Variants in DNASE1L3 observed in about 807,000 individuals in gnomAD.
DNASE1L3 encodes deoxyribonuclease gamma.
Under a neutral mutation model 30.9 loss-of-function variants are expected in DNASE1L3, and 27 were observed. That is an observed-to-expected ratio of 0.87 (90% confidence interval 0.64 to 1.20). The LOEUF is 1.20. DNASE1L3 is among the 50% of genes most tolerant of loss of function. DNASE1L3 has a pLI of 0.00. For missense variants in DNASE1L3, 364 were observed against 378.2 expected (o/e 0.96, Z 0.31); for synonymous variants, 135 against 138.0 (o/e 0.98, Z 0.15).
At chr3:58,202,467 G>A (rs1244561496) in intron 4 of DNASE1L3, among the ~76,000 whole-genome samples, 2 of 150,678 alleles carry the variant, frequency 1.3e-5, no homozygotes, top group Non-Finnish European at 3.0e-5. Context: ...CCAGCTGGGA[G>A]TTACAAAAAG....
chr3:58,210,220 G>GAAA, intron 1 of DNASE1L3, among the ~76,000 whole-genome samples: 1 of 68,952 alleles, frequency 1.5e-5, no homozygotes, highest in Admixed American at 1.5e-4. Flanking sequence ...GAAAGAAAAA[G>GAAA]GAAGAAAGAA....
Position 58,197,848 on chromosome 3 carries a change from T to TG in DNASE1L3, c.676_677insC (p.Lys226ThrfsTer9). The stretch of plus-strand genomic sequence containing the variant: ...GTCATATGCACAGTTGGTGCTCTTC[T>TG]TCACCGTGGTGTCCTCTTGGTCCCC... On this transcript the variant is annotated frameshift_variant, in exon 6 of 8. Transcript: ENST00000394549. LOFTEE classifies it high-confidence loss of function. The surrounding 1 kb of genome is among the most constrained non-coding windows in gnomAD (Gnocchi z 5.3). 1 of 1,614,138 alleles carries TG rather than the reference T, an allele frequency of 6.2e-7. No individual in the cohort carries two copies. The highest frequency in any genetic ancestry group is 8.5e-7 in the Non-Finnish European group (1 of 1,180,028).
intron 6 of DNASE1L3, among the ~76,000 whole-genome samples, chr3:58,194,720 G>A (rs1290137756): frequency 6.6e-6 from 1 of 150,420 alleles, no homozygotes; most frequent in Admixed American, 6.6e-5. Context: ...CTGCCTCCTG[G>A]GTTCATGCCA....
In DNASE1L3 at chr3:58,193,412, G is replaced by A; in HGVS notation, c.732C>T (p.Val244=). The change falls in exon 7 of 8, where the codon GTC becomes GTT. Residue 244 remains valine, a synonymous_variant. Coordinates refer to ENST00000394549, the MANE Select transcript of DNASE1L3 (RefSeq NM_004944.4). ...TGTTTGACTTGGGAACAACAGAACT[G>A]ACGATTTCTTGTCCTCTAAGCACAA... ...DRIVLRGQEI[V]SSVVPKSNSV... The A allele has an allele frequency of 6.2e-7, 1 of 1,613,910 alleles. No homozygotes were observed. The highest frequency in any genetic ancestry group is 8.5e-7 in the Non-Finnish European group (1 of 1,179,858).
At chr3:58,196,713 G>C (rs1575495932) in intron 6 of DNASE1L3, among the ~76,000 whole-genome samples, 1 of 152,182 alleles carries the variant, frequency 6.6e-6, no homozygotes, top group African/African-American at 2.4e-5. Flanking sequence ...CCCCACCTGT[G>C]GTCTCTGTGA....
chr3:58,196,071 T>C (rs985597095), intron 6 of DNASE1L3, among the ~76,000 whole-genome samples: 11 of 152,142 alleles, frequency 7.2e-5, no homozygotes, highest in Admixed American at 2.0e-4. Flanking sequence ...GAGAAGGGAC[T>C]TGACCTACCC....
At position 58,197,710 on chromosome 3, in the gene DNASE1L3, C is replaced by T; in HGVS notation, c.704+111G>A. 2 of 1,493,836 alleles carry T rather than the reference C, an allele frequency of 1.3e-6. No homozygotes were observed. The highest frequency in any genetic ancestry group is 1.2e-5 in the South Asian group (1 of 83,568). The allele number at this position is 1,493,836 out of a possible 1,614,324, so 92.5% of individuals were successfully genotyped here. On this transcript the variant is annotated intron_variant, in intron 6 of 7. Coordinates refer to ENST00000394549, the MANE Select transcript of DNASE1L3 (RefSeq NM_004944.4). This position sits in a 1 kb window ranked among gnomAD's most constrained non-coding sequence, Gnocchi z 5.3. ...TCAAGCGATCCATCCATCGAGGCCT[C>T]CCAAAGTGCTAGGACTACTGGCGTG... is the stretch of plus-strand genomic sequence containing the variant.
intron 2 of DNASE1L3, among the ~76,000 whole-genome samples, chr3:58,207,441 ACCC>A (rs751811685): frequency 0.017 from 563 of 33,798 alleles, 7 homozygotes; most frequent in African/African-American, 0.023. Flanking sequence ...CTCTGATCAC[ACCC>A]CCCCCCCCCC....
chr3:58,194,314 CTTT>C (rs11358965), intron 6 of DNASE1L3, among the ~76,000 whole-genome samples: 28 of 89,062 alleles, frequency 3.1e-4, no homozygotes, highest in East Asian at 1.0e-3. Flanking sequence ...GCACAACTAA[CTTT>C]TTTTTTTTTT....
chr3:58,192,609 G>T lies in DNASE1L3; in HGVS notation c.*78C>A. The T allele has an allele frequency of 7.0e-7, 1 of 1,430,930 alleles. No homozygotes were observed. Among genetic ancestry groups the T allele is most frequent in the Non-Finnish European group, 9.6e-7 (1 of 1,043,632 alleles). The allele number at this position is 1,430,930 out of a possible 1,614,324, so 88.6% of individuals were successfully genotyped here. ...CAGTTGGATCACTCTTGTTTCCTAA[G>T]TACAGGGAGCAGTTCATATCTGTTA... On this transcript the variant is annotated 3_prime_UTR_variant, in exon 8 of 8. Transcript: ENST00000394549. This position sits in a 1 kb window ranked among gnomAD's most constrained non-coding sequence, Gnocchi z 4.8.
At chr3:58,210,248 G>GAA (rs2097406850) in intron 1 of DNASE1L3, among the ~76,000 whole-genome samples, 1 of 148,452 alleles carries the variant, frequency 6.7e-6, no homozygotes, top group South Asian at 2.1e-4. Flanking sequence ...GAAAGAAAAA[G>GAA]AAAGAAAGAA....
rs2097398226 is a variant in DNASE1L3, at chr3:58,197,741, C to T, written c.704+80G>A. The T allele has an allele frequency of 6.3e-7, 1 of 1,598,574 alleles. No individual in the cohort carries two copies. The highest frequency in any genetic ancestry group is 8.5e-7 in the Non-Finnish European group (1 of 1,170,008). On this transcript the variant is annotated intron_variant, in intron 6 of 7. Coordinates refer to ENST00000394549, the MANE Select transcript of DNASE1L3 (RefSeq NM_004944.4). This position sits in a 1 kb window ranked among gnomAD's most constrained non-coding sequence, Gnocchi z 5.3. ...GTGCTAGGACTACTGGCGTGAGCCACAGTGCCCAGCCACCTTGCGTCTTTC... is the reference window on the plus strand; with the variant it reads ...GTGCTAGGACTACTGGCGTGAGCCATAGTGCCCAGCCACCTTGCGTCTTTC...
chr3:58,207,472 A>C (rs917493389), intron 2 of DNASE1L3, among the ~76,000 whole-genome samples: 4 of 112,490 alleles, frequency 3.6e-5, no homozygotes, highest in Non-Finnish European at 7.5e-5. Context: ...AGTAACCACT[A>C]TTAATAGTTT....
At chr3:58,198,013 G>A (rs1190781984) in intron 5 of DNASE1L3, 35 bp from the exon 6 acceptor site, 10 of 1,578,802 alleles carry the variant, frequency 6.3e-6, no homozygotes, top group Non-Finnish European at 8.6e-6. Context: ...CACCTGGTGG[G>A]TGCTGCTGCA....
At chr3:58,201,335 G>A (rs1490120335) in intron 4 of DNASE1L3, among the ~76,000 whole-genome samples, 1 of 152,192 alleles carries the variant, frequency 6.6e-6, no homozygotes, top group Non-Finnish European at 1.5e-5. Context: ...GCCCTTCATG[G>A]CTAAGAGAAA....
intron 4 of DNASE1L3, among the ~76,000 whole-genome samples, chr3:58,201,519 G>A (rs2097400531): frequency 6.6e-6 from 1 of 152,176 alleles, no homozygotes; most frequent in South Asian, 2.1e-4. Context: ...GTAGCTGTTA[G>A]ACATGCTCAC....
chr3:58,201,808 C>A (rs553619120), intron 4 of DNASE1L3, among the ~76,000 whole-genome samples: 1 of 152,256 alleles, frequency 6.6e-6, no homozygotes, highest in African/African-American at 2.4e-5. Flanking sequence ...AATTGCTTCC[C>A]TCCTTTATTC....
Position 58,192,546 on chromosome 3 carries a change from G to T in DNASE1L3, c.*141C>A. 3 of 854,390 alleles carry T rather than the reference G, an allele frequency of 3.5e-6. No homozygotes were observed. Among genetic ancestry groups the T allele is most frequent in the East Asian group, 2.6e-5 (1 of 38,140 alleles). 52.9% of individuals were successfully genotyped at this position (854,390 alleles called of 1,614,324 possible). A position where few individuals can be genotyped will look rare whatever the true frequency, so the allele number is the denominator to read the frequency against. ...ATACAAAAGATTCTCCTTCCAATTT[G>T]GCTCAAGTCAGAATAAATTCAGGTC... On this transcript the variant is annotated 3_prime_UTR_variant, in exon 8 of 8. Coordinates refer to ENST00000394549, the MANE Select transcript of DNASE1L3 (RefSeq NM_004944.4). The surrounding 1 kb of genome is among the most constrained non-coding windows in gnomAD (Gnocchi z 4.8).
At chr3:58,193,315 G>T (rs771171619) in intron 7 of DNASE1L3, 28 bp downstream of exon 7, 2 of 1,605,848 alleles carry the variant, frequency 1.2e-6, no homozygotes, top group Non-Finnish European at 1.7e-6. Flanking sequence ...CAGGACAATG[G>T]CATAGAAAGA....
Sources: allele counts gnomAD v4.1 joint callset (sites outside exome capture counted in the v4.1 genomes callset), GRCh38; gene constraint gnomAD v4.1.1; non-coding constraint Gnocchi (gnomAD v3.1); transcripts MANE v1.5; gene names NCBI Gene and HGNC (gene_info 2026-07-23, HGNC 2026-07-21).